SLC16A2: variants seen among roughly 807,000 people sequenced by gnomAD.
The protein encoded by SLC16A2 is solute carrier family 16 member 2.
In SLC16A2, 3 loss-of-function variants were observed where a neutral mutation model predicts 27.2. The ratio of observed to expected loss-of-function variants is 0.11; its 90% CI spans 0.05 to 0.28. The LOEUF is 0.28. SLC16A2 is among the 10% of genes least tolerant of loss of function. The pLI is 1.00. For missense variants in SLC16A2, 295 were observed against 458.5 expected, an observed-to-expected ratio of 0.64 and a Z score of 3.26; for synonymous variants, 202 against 187.8, an observed-to-expected ratio of 1.08 and a Z score of -0.62.
chrX:74,436,701 T>C (rs985651550), intron 1 of SLC16A2, among the ~76,000 whole-genome samples: 1 of 111,677 alleles, frequency 9.0e-6, no homozygotes, highest in Non-Finnish European at 1.9e-5. Context: ...CATGCATCTA[T>C]ACAGCTGGGT....
At chrX:74,523,771 A>G (rs1439686829) in intron 2 of SLC16A2, among the ~76,000 whole-genome samples, 5 of 112,004 alleles carry the variant, frequency 4.5e-5, no homozygotes, top group African/African-American at 1.6e-4. Context: ...GTGTAAAGGG[A>G]CTTGGGATAT....
chrX:74,476,400 A>G (rs916486947), intron 1 of SLC16A2, among the ~76,000 whole-genome samples: 2 of 111,928 alleles, frequency 1.8e-5, no homozygotes, highest in African/African-American at 6.5e-5. Flanking sequence ...GATTTTCTAG[A>G]TACACAATCA....
intron 1 of SLC16A2, among the ~76,000 whole-genome samples, chrX:74,496,585 C>T (rs750083209): frequency 1.6e-4 from 18 of 112,183 alleles, no homozygotes; most frequent in Non-Finnish European, 3.2e-4. Context: ...CCCAGAACAA[C>T]CCATCTCAGG....
At chrX:74,479,939 C>T (rs1602124539) in intron 1 of SLC16A2, among the ~76,000 whole-genome samples, 1 of 112,177 alleles carries the variant, frequency 8.9e-6, no homozygotes, top group African/African-American at 3.2e-5. Flanking sequence ...TCAGGGACCC[C>T]CCTGAGGATG....
chrX:74,482,679 A>T (rs1602125769), intron 1 of SLC16A2, among the ~76,000 whole-genome samples: 1 of 111,214 alleles, frequency 9.0e-6, no homozygotes, highest in Non-Finnish European at 1.9e-5. Context: ...TGATGGAAAG[A>T]ATTTCTCACA....
intron 1 of SLC16A2, among the ~76,000 whole-genome samples, chrX:74,483,840 A>T (rs1323034839): frequency 9.0e-6 from 1 of 111,344 alleles, no homozygotes; most frequent in Admixed American, 9.5e-5. Context: ...TTGGCCCACC[A>T]TGCTTGAGGT....
intron 1 of SLC16A2, among the ~76,000 whole-genome samples, chrX:74,455,962 T>C (rs1929035822): frequency 8.9e-6 from 1 of 112,271 alleles, no homozygotes; most frequent in Admixed American, 9.5e-5. Flanking sequence ...TCAGTTGTGT[T>C]AGGCTGTGGG....
intron 1 of SLC16A2, among the ~76,000 whole-genome samples, chrX:74,516,514 A>G (rs1340530089): frequency 5.4e-5 from 6 of 111,440 alleles, no homozygotes; most frequent in Non-Finnish European, 1.1e-4. Flanking sequence ...CTCCTCTCCA[A>G]CTAGTAACAT....
At chrX:74,478,390 A>G (rs1422150854) in intron 1 of SLC16A2, among the ~76,000 whole-genome samples, 2 of 111,337 alleles carry the variant, frequency 1.8e-5, no homozygotes, top group South Asian at 7.6e-4. Flanking sequence ...GTCTCTGCAC[A>G]TGAGATGGGT....
chrX:74,484,043 T>C lies in SLC16A2; in HGVS notation c.431-36947T>C, dbSNP rs145959879. The stretch of plus-strand genomic sequence containing the variant: ...TGGAGGAAGAGAGAGCTCCATGTTA[T>C]TGACTACACCCAACTAGAATAGAAT... On this transcript the variant is annotated intron_variant, in intron 1 of 5. Transcript: ENST00000587091. Among the ~76,000 whole-genome samples the C allele has an allele frequency of 4.2e-3, 470 of 111,620 alleles. 3 individuals carry two copies. Among genetic ancestry groups the C allele is most frequent in the African/African-American group, 0.014 (444 of 30,696 alleles).
chrX:74,429,080 T>G (rs1928479913), intron 1 of SLC16A2, among the ~76,000 whole-genome samples: 1 of 110,931 alleles, frequency 9.0e-6, no homozygotes, highest in Non-Finnish European at 1.9e-5. Context: ...GAGTCAAAAG[T>G]GCCTTTACAG....
chrX:74,439,564 G>A (rs907073372), intron 1 of SLC16A2, among the ~76,000 whole-genome samples: 29 of 99,719 alleles, frequency 2.9e-4, no homozygotes, highest in African/African-American at 1.1e-3. Flanking sequence ...ACCTCCCAAA[G>A]TGTTGGGATT....
At position 74,521,048 on chromosome X, in the gene SLC16A2, A is replaced by G. The variant is rs1283872852; in HGVS notation, c.489A>G (p.Ile163Met). The G allele has an allele frequency of 4.1e-6, 5 of 1,211,719 alleles. No individual in the cohort carries two copies. Among genetic ancestry groups the G allele is most frequent in the South Asian group, 1.8e-5 (1 of 56,969 alleles). Residue 163 changes from isoleucine (I) to methionine (M), a missense_variant, in exon 2 of 6, where the codon ATA becomes ATG. This residue lies in a region of SLC16A2 where 59 missense variants were observed against 153.6 expected (regional missense o/e 0.38). Transcript: ENST00000587091. ...MIFFCSPIVS[I>M]FTDRLGCRIT... ...TCTTCTGTTCTCCCATTGTGAGTAT[A>G]TTCACTGACCGTTTGGGCTGCCGAA...
chrX:74,490,933 A>G (rs1929815432), intron 1 of SLC16A2, among the ~76,000 whole-genome samples: 1 of 111,489 alleles, frequency 9.0e-6, no homozygotes, highest in African/African-American at 3.3e-5. Flanking sequence ...AGGACCATTA[A>G]CCAACGGGAG....
chrX:74,486,388 T>C (rs939236425), intron 1 of SLC16A2, among the ~76,000 whole-genome samples: 2 of 112,431 alleles, frequency 1.8e-5, no homozygotes, highest in Admixed American at 9.4e-5. Flanking sequence ...AGACTTGTTT[T>C]ATCAGCTGTT....
intron 1 of SLC16A2, among the ~76,000 whole-genome samples, chrX:74,488,692 T>G (rs1170246827): frequency 9.0e-6 from 1 of 111,718 alleles, no homozygotes; most frequent in Non-Finnish European, 1.9e-5. Context: ...TGTTTTGTCC[T>G]AAATATCTCT....
Position 74,520,641 on chromosome X carries a change from G to A in SLC16A2, c.431-349G>A, listed in dbSNP as rs1039894890. Among the ~76,000 whole-genome samples the A allele has an allele frequency of 3.6e-5, 4 of 111,423 alleles. No individual in the cohort carries two copies. In the Admixed American group the frequency reaches 3.8e-4, roughly 11 times the overall value. Reference sequence around the variant, plus strand: ...CTCCTTAGTCTTATCGTCTTCACAGGGTTCTTCTAATGCTGGAGACAAGCC... The same window carrying A: ...CTCCTTAGTCTTATCGTCTTCACAGAGTTCTTCTAATGCTGGAGACAAGCC... On this transcript the variant is annotated intron_variant, in intron 1 of 5. Transcript: ENST00000587091.
chrX:74,438,628 G>A (rs756081211), intron 1 of SLC16A2, among the ~76,000 whole-genome samples: 2 of 112,446 alleles, frequency 1.8e-5, no homozygotes, highest in Non-Finnish European at 3.8e-5. Context: ...GTAAGTGTGT[G>A]CATGCATATG....
chrX:74,473,615 C>A (rs1602120748), intron 1 of SLC16A2: 4 of 970,281 alleles, frequency 4.1e-6, no homozygotes, highest in Non-Finnish European at 5.8e-6. Context: ...TTCTTTAATG[C>A]CACCAACAAA....
Sources: gnomAD v4.1 joint callset for allele counts (sites outside exome capture counted in the v4.1 genomes callset) on GRCh38, gnomAD v4.1.1 for gene constraint, gnomAD v4.1.1 regional missense constraint, MANE v1.5 for transcripts, NCBI Gene and HGNC (gene_info 2026-07-23, HGNC 2026-07-21) for gene names.